Variants in SORCS3 observed in about 807,000 individuals in gnomAD.
SORCS3 encodes the protein sortilin related VPS10 domain containing receptor 3.
A neutral mutation model predicts 146.3 loss-of-function variants in SORCS3; 57 were observed. The ratio of observed to expected loss-of-function variants is 0.39; its 90% CI spans 0.31 to 0.49. The LOEUF is 0.49. Ranked by LOEUF, SORCS3 falls within the 20% of genes least tolerant of loss-of-function variation. The pLI is 0.92. For missense variants in SORCS3, 1,341 were observed against 1,575.5 expected (o/e 0.85, Z 2.52); for synonymous variants, 653 against 618.5 (o/e 1.06, Z -0.83).
intron 5 of SORCS3, among the ~76,000 whole-genome samples, chr10:105,085,954 T>C (rs2055657553): frequency 1.3e-5 from 2 of 152,216 alleles, no homozygotes; most frequent in African/African-American, 4.8e-5. Context: ...ATTGTCTTCA[T>C]ATTACCACCT....
chr10:104,650,885 G>T (rs557967036), intron 1 of SORCS3, among the ~76,000 whole-genome samples: 6 of 152,272 alleles, frequency 3.9e-5, no homozygotes, highest in Admixed American at 2.6e-4. Flanking sequence ...GAGGTAGGCA[G>T]TTTCTCATTC....
At chr10:104,954,697 A>G (rs1212372890) in intron 3 of SORCS3, among the ~76,000 whole-genome samples, 1 of 152,234 alleles carries the variant, frequency 6.6e-6, no homozygotes, top group Non-Finnish European at 1.5e-5. Flanking sequence ...GCAGACCTGC[A>G]ACAAGTTTCA....
chr10:104,813,651 C>T (rs990786154), intron 1 of SORCS3, among the ~76,000 whole-genome samples: 9 of 152,156 alleles, frequency 5.9e-5, no homozygotes, highest in Non-Finnish European at 1.0e-4. Flanking sequence ...ACCCCTTAGC[C>T]TCTCTTCATG....
intron 11 of SORCS3, among the ~76,000 whole-genome samples, chr10:105,163,921 C>CACACACACACACAT (rs2056289723): frequency 6.8e-6 from 1 of 146,644 alleles, no homozygotes; most frequent in Non-Finnish European, 1.5e-5. Context: ...CACACACACA[C>CACACACACACACAT]CAGTTTTTCT....
intron 13 of SORCS3, among the ~76,000 whole-genome samples, chr10:105,175,182 G>A (rs2056389804): frequency 6.6e-6 from 1 of 151,968 alleles, no homozygotes; most frequent in Non-Finnish European, 1.5e-5. Context: ...CAAGTAGCTG[G>A]GATTACAGGC....
intron 4 of SORCS3, among the ~76,000 whole-genome samples, chr10:105,037,535 C>G (rs2055314464): frequency 1.3e-5 from 2 of 152,148 alleles, no homozygotes; most frequent in African/African-American, 2.4e-5. Context: ...CTTAAGCCAT[C>G]CTTGGCTTGT....
chr10:105,232,117 T>C (rs1208063090), intron 20 of SORCS3, among the ~76,000 whole-genome samples: 4 of 152,176 alleles, frequency 2.6e-5, no homozygotes, highest in Non-Finnish European at 5.9e-5. Context: ...AAAATTGGCA[T>C]AATTTCTCCC....
At chr10:105,255,031 A>G (rs533382089) in intron 23 of SORCS3, among the ~76,000 whole-genome samples, 1 of 151,662 alleles carries the variant, frequency 6.6e-6, no homozygotes, top group East Asian at 2.0e-4. Context: ...TACTAAAAAT[A>G]CAAAAAATTA....
intron 1 of SORCS3, among the ~76,000 whole-genome samples, chr10:104,732,786 G>C (rs1282307733): frequency 6.6e-6 from 1 of 152,214 alleles, no homozygotes; most frequent in Non-Finnish European, 1.5e-5. Flanking sequence ...TTAACATCTA[G>C]ATGGCCTATT....
chr10:104,641,342 C>T lies in SORCS3; in HGVS notation c.15C>T (p.Arg5=). 7.4e-7 allele frequency: 1 copy of T among 1,349,242 alleles called. No individual in the cohort carries two copies. Among genetic ancestry groups the T allele is most frequent in the Non-Finnish European group, 9.5e-7 (1 of 1,055,742 alleles). The allele number at this position is 1,349,242 out of a possible 1,614,324, so 83.6% of individuals were successfully genotyped here. A position where few individuals can be genotyped will look rare whatever the true frequency, so the allele number is the denominator to read the frequency against. The change falls in exon 1 of 27, where the codon CGC becomes CGT. Residue 5 remains arginine, a synonymous_variant. Coordinates refer to ENST00000369701, the MANE Select transcript of SORCS3 (RefSeq NM_014978.3). This position sits in a 1 kb window ranked among gnomAD's most constrained non-coding sequence, Gnocchi z 6.4. ...GCCGCAGCGGGATGGAGGCGGCGCG[C>T]ACGGAGCGCCCCGCAGGCAGGCCGG... The part of the protein sequence containing the change: MEAA[R]TERPAGRPGA...
At chr10:104,930,124 T>C (rs2019192140) in intron 3 of SORCS3, among the ~76,000 whole-genome samples, 1 of 152,120 alleles carries the variant, frequency 6.6e-6, no homozygotes, top group Non-Finnish European at 1.5e-5. Flanking sequence ...AACAGAGTGA[T>C]TGAAATAATA....
At chr10:105,159,992 G>T (rs2056248455) in intron 11 of SORCS3, among the ~76,000 whole-genome samples, 1 of 152,174 alleles carries the variant, frequency 6.6e-6, no homozygotes, top group African/African-American at 2.4e-5. Context: ...TGGCTTCAGG[G>T]AGCCCAGGCT....
chr10:105,219,411 G>A (rs1319441195), intron 19 of SORCS3, among the ~76,000 whole-genome samples: 2 of 152,166 alleles, frequency 1.3e-5, no homozygotes, highest in Non-Finnish European at 2.9e-5. Flanking sequence ...CAGTCATGTA[G>A]GTACCTTCTG....
At chr10:105,182,198 G>T (rs978175156) in intron 14 of SORCS3, among the ~76,000 whole-genome samples, 10 of 139,452 alleles carry the variant, frequency 7.2e-5, no homozygotes, top group Admixed American at 5.3e-4. Context: ...ACCCAGTGAA[G>T]ACCTTGCAGC....
At chr10:104,762,470 G>T (rs183427702) in intron 1 of SORCS3, among the ~76,000 whole-genome samples, 77 of 152,284 alleles carry the variant, frequency 5.1e-4, no homozygotes, top group African/African-American at 1.8e-3. Flanking sequence ...AACTGTCTTT[G>T]CATGTCTTTC....
chr10:105,191,309 A>T (rs1214405761), intron 14 of SORCS3, among the ~76,000 whole-genome samples: 3 of 152,246 alleles, frequency 2.0e-5, no homozygotes, highest in Non-Finnish European at 2.9e-5. Flanking sequence ...TGAGGAAGGA[A>T]AAGAAGCAAG....
At chr10:104,994,621 C>T (rs1201459264) in intron 4 of SORCS3, among the ~76,000 whole-genome samples, 1 of 152,206 alleles carries the variant, frequency 6.6e-6, no homozygotes, top group Non-Finnish European at 1.5e-5. Flanking sequence ...TTCATCCCCT[C>T]ACCATATTCA....
chr10:104,967,633 T>G (rs938462006), intron 3 of SORCS3, among the ~76,000 whole-genome samples: 1 of 152,090 alleles, frequency 6.6e-6, no homozygotes, highest in Non-Finnish European at 1.5e-5. Context: ...TCCAACCTGC[T>G]TGGCATCACT....
intron 1 of SORCS3, among the ~76,000 whole-genome samples, chr10:104,775,800 C>T: frequency 6.6e-6 from 1 of 152,058 alleles, no homozygotes; most frequent in Non-Finnish European, 1.5e-5. Flanking sequence ...AAGAAACAGC[C>T]CTTGAAAGCC....
Sources: allele counts gnomAD v4.1 joint callset (sites outside exome capture counted in the v4.1 genomes callset), GRCh38; gene constraint gnomAD v4.1.1; non-coding constraint Gnocchi (gnomAD v3.1); transcripts MANE v1.5; gene names NCBI Gene and HGNC (gene_info 2026-07-23, HGNC 2026-07-21).